The following SLC27A6 variants were observed in gnomAD, a reference collection of about 807,000 sequenced individuals.
SLC27A6 encodes solute carrier family 27 member 6.
A neutral mutation model predicts 63.9 loss-of-function variants in SLC27A6; 74 were observed. That is an observed-to-expected ratio of 1.16 (90% CI 0.96 to 1.40). The LOEUF (loss-of-function observed/expected upper bound fraction) is 1.40, where lower values mean the gene tolerates loss of function less well. Ranked by LOEUF, SLC27A6 falls within the 40% of genes most tolerant of loss-of-function variation. SLC27A6 has a pLI of 0.00. For synonymous variants in SLC27A6, 287 were observed against 260.8 expected (o/e 1.10, Z -0.97); for missense variants, 794 against 732.9 (o/e 1.08, Z -0.96).
rs1752355467 is a variant in SLC27A6 at position 129,029,640 on chromosome 5, A to G, written c.1616A>G (p.Glu539Gly). ...ILKPNTSLDLEKVYEQVVTFL... is the reference protein window; with the variant it reads ...ILKPNTSLDLGKVYEQVVTFL... ...AAACCAAATACATCTTTAGATTTGG[A>G]AAAAGTTTATGAACAAGTTGTAACA... Residue 539 changes from glutamate to glycine, a missense_variant, in exon 9 of 10, where the codon GAA becomes GGA. By Grantham distance (98) the Glu-to-Gly change is moderately conservative (BLOSUM62 -2). Coordinates refer to ENST00000262462, the MANE Select transcript of SLC27A6 (RefSeq NM_001017372.3). The G allele has an allele frequency of 6.2e-7, 1 of 1,601,366 alleles. No homozygotes were observed.
At chr5:128,973,056 G>C (rs1168201151) in intron 1 of SLC27A6, among the ~76,000 whole-genome samples, 1 of 152,174 alleles carries the variant, frequency 6.6e-6, no homozygotes, top group Non-Finnish European at 1.5e-5. Context: ...GTTTGCTGGA[G>C]GTCCACTCCA....
At chr5:129,029,399 G>T (rs1752344487) in intron 8 of SLC27A6, among the ~76,000 whole-genome samples, 178 bp from the exon 9 acceptor site, 1 of 151,940 alleles carries the variant, frequency 6.6e-6, no homozygotes, top group Admixed American at 6.6e-5. Context: ...GTCCTTAAAT[G>T]ATTTCTAGGG....
At chr5:128,994,410 C>A (rs1181982) in intron 4 of SLC27A6, among the ~76,000 whole-genome samples, 132,217 of 152,078 alleles carry the variant, frequency 0.87, 58,571 homozygotes, top group Non-Finnish European at 0.95. Flanking sequence ...CTTGGCATTA[C>A]AAATTAGGAA....
At chr5:129,011,510 T>C (rs1751726832) in intron 4 of SLC27A6, among the ~76,000 whole-genome samples, 1 of 152,218 alleles carries the variant, frequency 6.6e-6, no homozygotes, top group Non-Finnish European at 1.5e-5. Context: ...AGCAACACCA[T>C]AGCTGCTTGA....
In SLC27A6 at chr5:129,021,625, T is replaced by A. The variant is rs545862866; in HGVS notation, c.1165-1995T>A. On this transcript the variant is annotated intron_variant, in intron 5 of 9. Transcript: ENST00000262462. ...ACACATATACACATACATAAACATG[T>A]ACATTTGGGAGATTTTAATGTGTGG... Among the ~76,000 whole-genome samples the A allele has an allele frequency of 1.8e-4, 27 of 152,304 alleles. 1 individual carries two copies. The South Asian group carries it at 4.6e-3, about 26-fold the overall frequency.
Position 129,028,404 on chromosome 5 carries a change from T to G in SLC27A6, c.1514T>G (p.Phe505Cys), listed in dbSNP as rs150818861. 6.3e-5 allele frequency: 102 copies of G among 1,609,664 alleles called. No homozygotes were observed. In the African/African-American group the frequency reaches 1.1e-3, roughly 17 times the overall value. Residue 505 changes from phenylalanine (F) to cysteine (C), a missense_variant, in exon 8 of 10, where the codon TTC (phenylalanine) becomes TGC (cysteine). By Grantham distance (205) the Phe-to-Cys change is radical. Transcript: ENST00000262462. ...GCTGATGTTATTGGAATGTTGGATT[T>G]CATACAGGAAGCAAACGTCTATGGT... Reference protein sequence around the residue: ...EVADVIGMLDFIQEANVYGVA... With the variant: ...EVADVIGMLDCIQEANVYGVA...
At chr5:129,023,769 A>G (rs1752151374) in intron 6 of SLC27A6, 59 bp downstream of exon 6, 2 of 1,220,882 alleles carry the variant, frequency 1.6e-6, no homozygotes, top group Non-Finnish European at 1.2e-6. Flanking sequence ...CTGTATACAG[A>G]CATCCCTTGG....
At chr5:128,977,578 A>G (rs1201587560) in intron 1 of SLC27A6, among the ~76,000 whole-genome samples, 1 of 152,184 alleles carries the variant, frequency 6.6e-6, no homozygotes, top group Non-Finnish European at 1.5e-5. Context: ...TCAGGCTTTT[A>G]TGATTTAGCA....
intron 4 of SLC27A6, among the ~76,000 whole-genome samples, chr5:128,996,604 T>C (rs1197969300): frequency 6.6e-6 from 1 of 152,152 alleles, no homozygotes; most frequent in Non-Finnish European, 1.5e-5. Context: ...TATTTTGTTT[T>C]GTTTTTCTGA....
In SLC27A6 at chr5:128,965,587, A is replaced by T. The variant is rs1460912345; in HGVS notation, c.-551A>T. The T allele has an allele frequency of 6.6e-6, 1 of 152,534 alleles. No homozygotes were observed. Among genetic ancestry groups the T allele is most frequent in the African/African-American group, 2.4e-5 (1 of 41,458 alleles). The allele number at this position is 152,534 out of a possible 1,614,324, so 9.4% of individuals were successfully genotyped here. On this transcript the variant is annotated 5_prime_UTR_variant, in exon 1 of 10. Coordinates refer to ENST00000262462, the MANE Select transcript of SLC27A6 (RefSeq NM_001017372.3). ...TAAATCGCTGCGCTTCTCAGTCATC[A>T]TCATCCCAGCTTTTCCCGGCTCGAA...
intron 4 of SLC27A6, among the ~76,000 whole-genome samples, chr5:129,003,010 GTCT>G (rs1175624805): frequency 1.3e-5 from 2 of 152,114 alleles, no homozygotes; most frequent in African/African-American, 2.4e-5. Flanking sequence ...GTGCACCCGA[GTCT>G]TCTTATTTGT....
intron 4 of SLC27A6, among the ~76,000 whole-genome samples, chr5:129,001,676 C>T (rs1168202742): frequency 1.3e-5 from 2 of 152,134 alleles, no homozygotes; most frequent in African/African-American, 4.8e-5. Flanking sequence ...TTGTGTCTCT[C>T]CACCTATCAA....
chr5:129,025,557 C>A lies in SLC27A6; in HGVS notation c.1256-1576C>A, dbSNP rs901554347. Among the ~76,000 whole-genome samples the A allele has an allele frequency of 3.3e-5, 5 of 151,784 alleles. No individual in the cohort carries two copies. The South Asian group carries it at 1.0e-3, about 32-fold the overall frequency. On this transcript the variant is annotated intron_variant, in intron 6 of 9. Coordinates refer to ENST00000262462, the MANE Select transcript of SLC27A6 (RefSeq NM_001017372.3). ...CCTTAAAATGAAGATATTATCTGGG[C>A]CTTTCTTATAGGTTTGTGATGAGAA...
Position 129,033,250 on chromosome 5 carries a change from G to T in SLC27A6, c.1828G>T (p.Asp610Tyr). ...SYVLLTRELY[D>Y]QIMLGEIKL ...TGTTCTACTGACCAGGGAACTTTAT[G>T]ATCAAATAATGTTAGGGGAAATAAA... The change falls in exon 10 of 10, where the codon GAT becomes TAT. Residue 610 changes from aspartate to tyrosine, a missense_variant. Physicochemically the swap from Asp to Tyr is radical, Grantham distance 160. Coordinates refer to ENST00000262462, the MANE Select transcript of SLC27A6 (RefSeq NM_001017372.3). 1 of 1,585,484 alleles carries T rather than the reference G, an allele frequency of 6.3e-7. No homozygotes were observed. Among genetic ancestry groups the T allele is most frequent in the South Asian group, 1.2e-5 (1 of 86,282 alleles).
Position 129,029,592 on chromosome 5 carries a change from C to T in SLC27A6, c.1568C>T (p.Ala523Val). Residue 523 changes from alanine to valine, a missense_variant, in exon 9 of 10, where the codon GCA becomes GTA. Coordinates refer to ENST00000262462, the MANE Select transcript of SLC27A6 (RefSeq NM_001017372.3). ...TTTTTTTCAGGTTATGAAGGAAGAGCAGGAATGGCTTCTATTATTTTAAAA... is the reference window on the plus strand; with the variant it reads ...TTTTTTTCAGGTTATGAAGGAAGAGTAGGAATGGCTTCTATTATTTTAAAA... ...GVAISGYEGR[A>V]GMASIILKPN... The T allele has an allele frequency of 1.3e-6, 2 of 1,573,744 alleles. No homozygotes were observed. The highest frequency in any genetic ancestry group is 1.7e-6 in the Non-Finnish European group (2 of 1,163,274).
At chr5:128,973,272 C>T (rs1750254572) in intron 1 of SLC27A6, among the ~76,000 whole-genome samples, 2 of 152,320 alleles carry the variant, frequency 1.3e-5, no homozygotes, top group Admixed American at 1.3e-4. Flanking sequence ...AGATTTCAAA[C>T]TCCCTGCTGG....
Position 129,024,506 on chromosome 5 carries a change from T to C in SLC27A6, c.1255+796T>C, listed in dbSNP as rs570751136. 5.9e-5 allele frequency among the ~76,000 whole-genome samples: 9 copies of C among 152,216 alleles called. No homozygotes were observed. The South Asian group carries it at 1.7e-3, about 28-fold the overall frequency. On this transcript the variant is annotated intron_variant, in intron 6 of 9. Coordinates refer to ENST00000262462, the MANE Select transcript of SLC27A6 (RefSeq NM_001017372.3). Reference sequence around the variant, plus strand: ...AGTGAGGTTATTGTGGACGATTAAATGGGATGTATATATATTCCTGGGGGA... The same window carrying C: ...AGTGAGGTTATTGTGGACGATTAAACGGGATGTATATATATTCCTGGGGGA...
chr5:129,033,255 A>T lies in SLC27A6; in HGVS notation c.1833A>T (p.Gln611His). ...YVLLTRELYD[Q>H]IMLGEIKL Reference sequence around the variant, plus strand: ...TACTGACCAGGGAACTTTATGATCAAATAATGTTAGGGGAAATAAAACTTT... The same window carrying T: ...TACTGACCAGGGAACTTTATGATCATATAATGTTAGGGGAAATAAAACTTT... The change falls in exon 10 of 10, where the codon CAA (glutamine) becomes CAT (histidine). Residue 611 changes from glutamine (Q) to histidine (H), a missense_variant. Transcript: ENST00000262462. The T allele has an allele frequency of 6.3e-7, 1 of 1,585,096 alleles. No homozygotes were observed. The highest frequency in any genetic ancestry group is 8.6e-7 in the Non-Finnish European group (1 of 1,164,880).
chr5:128,977,740 T>C (rs1750438347), intron 1 of SLC27A6, among the ~76,000 whole-genome samples: 1 of 152,206 alleles, frequency 6.6e-6, no homozygotes, highest in African/African-American at 2.4e-5. Context: ...CCAAAAATAA[T>C]GTATAAAAAC....
Sources: gnomAD v4.1 joint callset for allele counts (sites outside exome capture counted in the v4.1 genomes callset) on GRCh38, gnomAD v4.1.1 for gene constraint, MANE v1.5 for transcripts, NCBI Gene and HGNC (gene_info 2026-07-23, HGNC 2026-07-21) for gene names.